Variants in NRG2 observed in about 807,000 individuals in gnomAD.
NRG2 encodes neuregulin 2.
In NRG2, 27 loss-of-function variants were observed where a neutral mutation model predicts 73.9. The ratio of observed to expected loss-of-function variants is 0.37; its 90% CI spans 0.27 to 0.50. The LOEUF is 0.50. NRG2 is among the 20% of genes least tolerant of loss of function. The pLI is 0.96. For missense variants in NRG2, 1,126 were observed against 1,210.1 expected (o/e 0.93, Z 1.03); for synonymous variants, 532 against 541.0 (o/e 0.98, Z 0.23).
At chr5:139,926,056 A>G (rs1752036049) in intron 1 of NRG2, among the ~76,000 whole-genome samples, 1 of 152,152 alleles carries the variant, frequency 6.6e-6, no homozygotes, top group Admixed American at 6.5e-5. Context: ...CCTCTGAGTC[A>G]CCCCATTGCC....
intron 1 of NRG2, among the ~76,000 whole-genome samples, chr5:140,002,123 A>G (rs34929354): frequency 0.094 from 14,227 of 152,096 alleles, 1,098 homozygotes; most frequent in East Asian, 0.46. Context: ...GGTCAAGGCT[A>G]CAGTGAGCCA....
chr5:140,026,905 TTTG>T (rs1400826590), intron 1 of NRG2, among the ~76,000 whole-genome samples: 1 of 152,118 alleles, frequency 6.6e-6, no homozygotes, highest in African/African-American at 2.4e-5. Context: ...AATTATATCT[TTTG>T]TTAAGACCCC....
rs888211692 is a variant in NRG2 at position 139,847,514 on chromosome 5, CCTCTT to C, written c.*398_*402del. 1.3e-5 allele frequency: 2 copies of C among 151,276 alleles called. No homozygotes were observed. Among genetic ancestry groups the C allele is most frequent in the African/African-American group, 5.0e-5 (2 of 40,306 alleles). 9.4% of individuals were successfully genotyped at this position (151,276 alleles called of 1,614,324 possible). Reference sequence around the variant, plus strand: ...ACCCTCGCCCCCAACAGAACCCGCACCTCTTCTCTCCCAGCTGTCACTCTCAGCAC... The same window carrying C: ...ACCCTCGCCCCCAACAGAACCCGCACCTCTCCCAGCTGTCACTCTCAGCAC... On this transcript the variant is annotated 3_prime_UTR_variant, in exon 10 of 10. Coordinates refer to ENST00000361474, the MANE Select transcript of NRG2 (RefSeq NM_004883.3).
intron 2 of NRG2, among the ~76,000 whole-genome samples, chr5:139,882,729 G>A (rs1763605126): frequency 6.6e-6 from 1 of 152,072 alleles, no homozygotes; most frequent in Non-Finnish European, 1.5e-5. Context: ...TGATGCACAG[G>A]GGACTCAGAG....
intron 1 of NRG2, among the ~76,000 whole-genome samples, chr5:139,969,273 T>C (rs899302335): frequency 6.6e-6 from 1 of 152,242 alleles, no homozygotes; most frequent in Non-Finnish European, 1.5e-5. Context: ...AGTTCTAGAT[T>C]TGGCAAAAGG....
Position 140,042,378 on chromosome 5 carries a change from G to C in NRG2, c.692C>G (p.Thr231Ser). Residue 231 changes from threonine to serine, a missense_variant, in exon 1 of 10, where the codon ACT becomes AGT. Thr to Ser is a moderately conservative substitution (Grantham distance 58). Around this residue, in one of 3 missense-constraint regions of NRG2, gnomAD observed 539 missense variants for 703.2 expected, o/e 0.77. Coordinates refer to ENST00000361474, the MANE Select transcript of NRG2 (RefSeq NM_004883.3). ...LKKEVGKILCTDCATRPKLKK... is the reference protein window; with the variant it reads ...LKKEVGKILCSDCATRPKLKK... Reference sequence around the variant, plus strand: ...GGGAGGGGGCGACTCACCGCAGTCAGTGCACAGGATCTTGCCCACCTCTTT... The same window carrying C: ...GGGAGGGGGCGACTCACCGCAGTCACTGCACAGGATCTTGCCCACCTCTTT... The C allele has an allele frequency of 6.4e-7, 1 of 1,571,896 alleles. No homozygotes were observed. The highest frequency in any genetic ancestry group is 8.7e-7 in the Non-Finnish European group (1 of 1,155,478).
intron 1 of NRG2, among the ~76,000 whole-genome samples, chr5:139,978,377 A>G (rs1756533079): frequency 6.6e-6 from 1 of 152,242 alleles, no homozygotes; most frequent in African/African-American, 2.4e-5. Flanking sequence ...GAGAAATGCA[A>G]ATCAAAACCA....
chr5:139,876,046 A>G (rs1763157452), intron 3 of NRG2, among the ~76,000 whole-genome samples: 1 of 152,270 alleles, frequency 6.6e-6, no homozygotes, highest in Admixed American at 6.5e-5. Flanking sequence ...AGATGTCCAC[A>G]GCAGCATTAT....
In NRG2 at chr5:140,042,596, C is replaced by G. The variant is rs1405595102; in HGVS notation, c.474G>C (p.Val158=). The part of the protein sequence containing the change: ...STREPPASGR[V]ALVKVLDKWP... Reference sequence around the variant, plus strand: ...ACTTGTCCAGCACCTTTACCAACGCCACCCGACCCGAGGCGGGCGGCTCTC... The same window carrying G: ...ACTTGTCCAGCACCTTTACCAACGCGACCCGACCCGAGGCGGGCGGCTCTC... Residue 158 remains valine (V), a synonymous_variant, in exon 1 of 10, where the codon GTG becomes GTC. Transcript: ENST00000361474. 1 of 1,612,262 alleles carries G rather than the reference C, an allele frequency of 6.2e-7. No individual in the cohort carries two copies. The highest frequency in any genetic ancestry group is 8.5e-7 in the Non-Finnish European group (1 of 1,179,700).
chr5:139,944,950 T>G (rs1753697379), intron 1 of NRG2, among the ~76,000 whole-genome samples: 1 of 152,196 alleles, frequency 6.6e-6, no homozygotes, highest in Non-Finnish European at 1.5e-5. Flanking sequence ...CCATCCTAAC[T>G]GGGGTGAGAT....
chr5:139,863,194 T>C (rs1334722988), intron 5 of NRG2, among the ~76,000 whole-genome samples: 3 of 152,212 alleles, frequency 2.0e-5, no homozygotes, highest in Non-Finnish European at 2.9e-5. Context: ...AATTGAGAAG[T>C]TAAAGAGGCC....
intron 3 of NRG2, among the ~76,000 whole-genome samples, chr5:139,875,371 G>T (rs1484144980): frequency 6.6e-6 from 1 of 152,182 alleles, no homozygotes; most frequent in East Asian, 1.9e-4. Context: ...TAGGGCAGGA[G>T]CCATGTCTGA....
chr5:139,970,879 A>G (rs1211392691), intron 1 of NRG2, among the ~76,000 whole-genome samples: 3 of 152,252 alleles, frequency 2.0e-5, no homozygotes, highest in Admixed American at 6.5e-5. Flanking sequence ...AGCACTATCC[A>G]TGAAACCTTT....
intron 1 of NRG2, among the ~76,000 whole-genome samples, chr5:139,947,710 T>C (rs528545309): frequency 6.6e-6 from 1 of 152,306 alleles, no homozygotes; most frequent in Non-Finnish European, 1.5e-5. Context: ...CTTGCCAACA[T>C]TTATTATTAT....
intron 1 of NRG2, among the ~76,000 whole-genome samples, chr5:140,005,140 C>A (rs1320036454): frequency 6.6e-6 from 1 of 152,138 alleles, no homozygotes; most frequent in Non-Finnish European, 1.5e-5. Context: ...TCTATTAGGT[C>A]TTGAACTCCC....
At position 140,042,797 on chromosome 5, in the gene NRG2, G is replaced by T; in HGVS notation, c.273C>A (p.Gly91=). 6.6e-7 allele frequency: 1 copy of T among 1,505,484 alleles called. No individual in the cohort carries two copies. The highest frequency in any genetic ancestry group is 8.9e-7 in the Non-Finnish European group (1 of 1,129,168). 93.3% of individuals were successfully genotyped at this position (1,505,484 alleles called of 1,614,324 possible). Reference sequence around the variant, plus strand: ...CGGGGGCCGGGTCGCGCCTCATGCCGCCGGCGGCTGCGGCTCGCGAACGGG... The same window carrying T: ...CGGGGGCCGGGTCGCGCCTCATGCCTCCGGCGGCTGCGGCTCGCGAACGGG... The part of the protein sequence containing the change: ...AAARSRAAAA[G]GMRRDPAPGF... Residue 91 remains glycine, a synonymous_variant, in exon 1 of 10, where the codon GGC becomes GGA. Coordinates refer to ENST00000361474, the MANE Select transcript of NRG2 (RefSeq NM_004883.3).
chr5:140,037,907 C>CA (rs748112690), intron 1 of NRG2, among the ~76,000 whole-genome samples: 1,343 of 58,568 alleles, frequency 0.023, 31 homozygotes, highest in East Asian at 0.056. Flanking sequence ...GACTCCATCT[C>CA]AAAAAAAAAA....
At chr5:139,859,857 A>G in intron 5 of NRG2, 1 of 1,608,836 alleles carries the variant, frequency 6.2e-7, no homozygotes, top group Non-Finnish European at 8.5e-7. Flanking sequence ...GGCCACGCAG[A>G]TGGTGCTGAG....
At chr5:139,950,377 C>T (rs13171402) in intron 1 of NRG2, among the ~76,000 whole-genome samples, 23,303 of 152,204 alleles carry the variant, frequency 0.15, 1,995 homozygotes, top group South Asian at 0.25. Flanking sequence ...GAGTATGATA[C>T]ACCTTCTGTA....
Sources: allele counts gnomAD v4.1 joint callset (sites outside exome capture counted in the v4.1 genomes callset), GRCh38; gene constraint gnomAD v4.1.1; regional missense constraint gnomAD v4.1.1; transcripts MANE v1.5; gene names NCBI Gene and HGNC (gene_info 2026-07-23, HGNC 2026-07-21).